Variants in PALD1 observed in about 807,000 individuals in gnomAD.
PALD1 encodes paladin.
Under a neutral mutation model 96.0 loss-of-function variants are expected in PALD1, and 57 were observed. The ratio of observed to expected loss-of-function variants is 0.59; its 90% CI spans 0.48 to 0.74. PALD1 has a LOEUF of 0.74. Among genes scored for constraint, PALD1 ranks in the 30% least tolerant of loss-of-function variants. The pLI is 0.00. For missense variants in PALD1, 1,063 were observed against 1,143.7 expected (o/e 0.93, Z 1.02); for synonymous variants, 464 against 473.6 (o/e 0.98, Z 0.26).
At chr10:70,472,343 C>A in the PALD1 span, among the ~76,000 whole-genome samples, 2 of 152,174 alleles carry the variant, frequency 1.3e-5, no homozygotes, top group Non-Finnish European at 2.9e-5. Flanking sequence ...TCACTGCAAC[C>A]TCTACCTCCC....
At chr10:70,487,955 A>G (rs956110321) in intron 1 of PALD1, among the ~76,000 whole-genome samples, 1 of 152,198 alleles carries the variant, frequency 6.6e-6, no homozygotes, top group African/African-American at 2.4e-5. Context: ...GATTTTTCAC[A>G]TACGTGGACT....
chr10:70,525,101 A>T (rs955943599), intron 1 of PALD1, among the ~76,000 whole-genome samples: 1 of 151,976 alleles, frequency 6.6e-6, no homozygotes, highest in Non-Finnish European at 1.5e-5. Flanking sequence ...TCCCGGGTTC[A>T]AGCGATTCTC....
At chr10:70,493,679 G>A (rs1846137219) in intron 1 of PALD1, among the ~76,000 whole-genome samples, 1 of 152,222 alleles carries the variant, frequency 6.6e-6, no homozygotes, top group African/African-American at 2.4e-5. Flanking sequence ...ACACTGCAAA[G>A]CTGTCCGTGG....
At chr10:70,521,976 C>T (rs973727758) in intron 1 of PALD1, among the ~76,000 whole-genome samples, 2 of 152,216 alleles carry the variant, frequency 1.3e-5, no homozygotes, top group Admixed American at 6.5e-5. Flanking sequence ...AAACACATTG[C>T]GTTTAAATAA....
intron 1 of PALD1, among the ~76,000 whole-genome samples, chr10:70,505,535 C>T (rs571004219): frequency 1.9e-4 from 28 of 151,116 alleles, no homozygotes; most frequent in African/African-American, 6.8e-4. Flanking sequence ...ACCCGGGAGG[C>T]GGAGGTTGCC....
At chr10:70,487,148 T>TG (rs962901033) in intron 1 of PALD1, among the ~76,000 whole-genome samples, 1 of 145,068 alleles carries the variant, frequency 6.9e-6, no homozygotes, top group African/African-American at 2.6e-5. Flanking sequence ...TTTTTTTTTT[T>TG]TTTGAGACAG....
At chr10:70,507,758 T>C (rs1416989083) in intron 1 of PALD1, among the ~76,000 whole-genome samples, 1,354 of 67,882 alleles carry the variant, frequency 0.02, 12 homozygotes, top group African/African-American at 0.046. Flanking sequence ...TGCGTGTGTG[T>C]GTGTGTGTGT....
At chr10:70,494,558 C>G (rs868289461) in intron 1 of PALD1, among the ~76,000 whole-genome samples, 1 of 152,248 alleles carries the variant, frequency 6.6e-6, no homozygotes, top group African/African-American at 2.4e-5. Flanking sequence ...AGAACAGTCA[C>G]GTGAACCTCG....
chr10:70,494,413 A>G (rs1277008239), intron 1 of PALD1, among the ~76,000 whole-genome samples: 1 of 152,200 alleles, frequency 6.6e-6, no homozygotes, highest in East Asian at 1.9e-4. Flanking sequence ...AGGAAGAGAG[A>G]ATGCATGAGC....
the PALD1 span, among the ~76,000 whole-genome samples, chr10:70,463,843 TG>T: frequency 6.6e-6 from 1 of 152,096 alleles, no homozygotes; most frequent in African/African-American, 2.4e-5. Flanking sequence ...AAGATCTGGA[TG>T]GGGAGCCTTC....
At chr10:70,517,810 G>A (rs1290209337) in intron 1 of PALD1, among the ~76,000 whole-genome samples, 2 of 152,076 alleles carry the variant, frequency 1.3e-5, no homozygotes, top group Non-Finnish European at 2.9e-5. Context: ...CAGTGTAAGT[G>A]TCTGGGGCTT....
chr10:70,553,445 G>C (rs1847523099), intron 18 of PALD1, among the ~76,000 whole-genome samples: 1 of 152,204 alleles, frequency 6.6e-6, no homozygotes, highest in Non-Finnish European at 1.5e-5. Context: ...GGATGGGGTA[G>C]AGGCTCATGC....
At chr10:70,512,605 A>G (rs1846535159) in intron 1 of PALD1, among the ~76,000 whole-genome samples, 1 of 152,280 alleles carries the variant, frequency 6.6e-6, no homozygotes, top group Non-Finnish European at 1.5e-5. Context: ...GGCAAGGGCC[A>G]AGCTCATTCA....
chr10:70,555,933 G>A (rs904940514), intron 18 of PALD1, among the ~76,000 whole-genome samples: 29 of 152,212 alleles, frequency 1.9e-4, no homozygotes, highest in Admixed American at 3.3e-4. Flanking sequence ...CCCGGGAGGC[G>A]GAGCTTGCAG....
chr10:70,523,032 G>A (rs963554883), intron 1 of PALD1, among the ~76,000 whole-genome samples: 19 of 152,210 alleles, frequency 1.2e-4, no homozygotes, highest in African/African-American at 4.6e-4. Flanking sequence ...CAAGCCTGGG[G>A]TTGCACCCCC....
At chr10:70,460,726 A>G in the PALD1 span, among the ~76,000 whole-genome samples, 2 of 152,162 alleles carry the variant, frequency 1.3e-5, no homozygotes, top group African/African-American at 2.4e-5. Context: ...CCCCTCACTG[A>G]AACCCTTCAG....
At chr10:70,498,805 G>A (rs536156244) in intron 1 of PALD1, among the ~76,000 whole-genome samples, 2 of 152,100 alleles carry the variant, frequency 1.3e-5, no homozygotes, top group South Asian at 4.2e-4. Flanking sequence ...GCGCGTGCCT[G>A]TAAACCCAGC....
At chr10:70,491,366 A>G (rs1846095005) in intron 1 of PALD1, among the ~76,000 whole-genome samples, 1 of 151,754 alleles carries the variant, frequency 6.6e-6, no homozygotes, top group African/African-American at 2.4e-5. Context: ...TGAACTGGGC[A>G]CCTCCAGGCT....
chr10:70,496,772 G>A (rs1846202480), intron 1 of PALD1, among the ~76,000 whole-genome samples: 1 of 152,202 alleles, frequency 6.6e-6, no homozygotes, highest in Non-Finnish European at 1.5e-5. Flanking sequence ...GTAGAGCCAG[G>A]TGTGAACTGC....
Sources: allele counts gnomAD v4.1 joint callset (sites outside exome capture counted in the v4.1 genomes callset), GRCh38; gene constraint gnomAD v4.1.1; transcripts MANE v1.5; gene names NCBI Gene and HGNC (gene_info 2026-07-23, HGNC 2026-07-21).